COA1: variants seen among roughly 807,000 people sequenced by gnomAD.
COA1 encodes cytochrome c oxidase assembly factor 1 homolog.
A neutral mutation model predicts 16.0 loss-of-function variants in COA1; 13 were observed. The observed-to-expected ratio is 0.81, with a 90% CI of 0.53 to 1.29. COA1 has a LOEUF of 1.29. Ranked by LOEUF, COA1 falls within the 50% of genes most tolerant of loss-of-function variation. COA1 has a pLI of 0.00. For missense variants in COA1, 179 were observed against 177.0 expected (o/e 1.01, Z -0.06); for synonymous variants, 65 against 65.7 (o/e 0.99, Z 0.05).
chr7:43,639,742 CA>C, intron 5 of COA1, 61 bp from the exon 6 acceptor site: 27 of 1,316,892 alleles, frequency 2.1e-5, no homozygotes, highest in South Asian at 2.5e-5. Context: ...CAGCCGTAGT[CA>C]AAAAAAGGGG....
intron 1 of COA1, among the ~76,000 whole-genome samples, chr7:43,689,658 T>C (rs371255194): frequency 2.6e-5 from 4 of 152,334 alleles, no homozygotes; most frequent in East Asian, 3.9e-4. Context: ...TTTTAAGCTC[T>C]TTAAAAGTTA....
chr7:43,722,463 A>T (rs2095527856), intron 1 of COA1, among the ~76,000 whole-genome samples: 2 of 151,968 alleles, frequency 1.3e-5, no homozygotes, highest in African/African-American at 2.4e-5. Flanking sequence ...GCAATGGCAC[A>T]ATCTCAGCTC....
At chr7:43,632,013 G>A (rs945787472) in intron 6 of COA1, 1 of 152,230 alleles carries the variant, frequency 6.6e-6, no homozygotes. Context: ...CAACAGTGAA[G>A]TTTGCTGCAT....
intron 4 of COA1, among the ~76,000 whole-genome samples, chr7:43,644,287 C>G (rs1025417343): frequency 1.3e-5 from 2 of 152,214 alleles, no homozygotes; most frequent in African/African-American, 4.8e-5. Flanking sequence ...TTCTGCACCT[C>G]TATTCCCCAC....
intron 4 of COA1, among the ~76,000 whole-genome samples, chr7:43,644,323 A>G (rs1027099898): frequency 3.9e-5 from 6 of 152,222 alleles, no homozygotes; most frequent in Admixed American, 3.3e-4. Context: ...TTCTCAAACC[A>G]GAGCATATAC....
At chr7:43,700,403 T>C (rs1368538615) in intron 1 of COA1, among the ~76,000 whole-genome samples, 4 of 152,020 alleles carry the variant, frequency 2.6e-5, no homozygotes, top group African/African-American at 7.2e-5. Flanking sequence ...GTAGTCTGAT[T>C]TGTCTCATAG....
chr7:43,642,029 T>G (rs2087285777), intron 4 of COA1: 1 of 152,106 alleles, frequency 6.6e-6, no homozygotes, highest in African/African-American at 2.4e-5. Context: ...CATTCCAAGT[T>G]GCCACCAAGA....
At chr7:43,645,475 T>G in intron 3 of COA1, 76 bp from the exon 4 acceptor site, 1 of 1,332,206 alleles carries the variant, frequency 7.5e-7, no homozygotes, top group Non-Finnish European at 1.1e-6. Context: ...AATTAAATAA[T>G]CCAACTGACG....
At chr7:43,701,236 T>C (rs1034687608) in intron 1 of COA1, among the ~76,000 whole-genome samples, 1 of 152,128 alleles carries the variant, frequency 6.6e-6, no homozygotes, top group Non-Finnish European at 1.5e-5. Context: ...TAGGTAGTTT[T>C]TTCAACCCTC....
intron 1 of COA1, among the ~76,000 whole-genome samples, chr7:43,728,820 G>T (rs1347410373): frequency 6.6e-6 from 1 of 152,166 alleles, no homozygotes; most frequent in Non-Finnish European, 1.5e-5. Flanking sequence ...CGGAGAAACA[G>T]GTTATCAAAT....
chr7:43,723,634 GA>G (rs1385096734), intron 1 of COA1, among the ~76,000 whole-genome samples: 8 of 147,166 alleles, frequency 5.4e-5, no homozygotes, highest in South Asian at 2.2e-4. Flanking sequence ...AAAGCATTAA[GA>G]AAAAAAAAAG....
At chr7:43,720,367 C>T (rs956400289) in intron 1 of COA1, among the ~76,000 whole-genome samples, 1 of 151,760 alleles carries the variant, frequency 6.6e-6, no homozygotes, top group Admixed American at 6.6e-5. Flanking sequence ...TGCCTTTCCT[C>T]TTTATTAAGC....
At chr7:43,627,944 G>A (rs1042403929) in intron 6 of COA1, among the ~76,000 whole-genome samples, 5 of 152,180 alleles carry the variant, frequency 3.3e-5, no homozygotes, top group Non-Finnish European at 5.9e-5. Context: ...ATTCATCTAT[G>A]TCGATGCTTA....
intron 1 of COA1, among the ~76,000 whole-genome samples, chr7:43,688,460 C>T (rs1321010152): frequency 6.6e-6 from 1 of 152,000 alleles, no homozygotes; most frequent in African/African-American, 2.4e-5. Flanking sequence ...CTTCTGTATT[C>T]CATAACTTTA....
chr7:43,643,841 G>A (rs990082280), intron 4 of COA1, among the ~76,000 whole-genome samples: 33 of 152,206 alleles, frequency 2.2e-4, no homozygotes, highest in Non-Finnish European at 1.5e-5. Flanking sequence ...CAGAATACCA[G>A]AGCATGAATT....
Position 43,645,278 on chromosome 7 carries a change from T to C in COA1, c.237A>G (p.Glu79=). The C allele has an allele frequency of 1.2e-6, 2 of 1,614,040 alleles. No individual in the cohort carries two copies. The highest frequency in any genetic ancestry group is 1.7e-6 in the Non-Finnish European group (2 of 1,179,960). ...TGGCATCAACAATGTCCACGAAGTT[T>C]TCCCTGTCGATGAGCTTGAGATAAT... ...NIHYLKLIDR[E]NFVDIVDAKL... The change falls in exon 4 of 6, where the codon GAA becomes GAG. Residue 79 remains glutamate, a synonymous_variant. Transcript: ENST00000223336.
Position 43,675,367 on chromosome 7 carries a change from T to G in COA1, c.-38-26715A>C, listed in dbSNP as rs1331574745. Among the ~76,000 whole-genome samples, 15 of 148,894 alleles carry G rather than the reference T, an allele frequency of 1.0e-4. No individual in the cohort carries two copies. The Admixed American group carries it at 1.0e-3, about 10-fold the overall frequency. On this transcript the variant is annotated intron_variant, in intron 1 of 5. Coordinates refer to ENST00000223336, the MANE Select transcript of COA1 (RefSeq NM_018224.4). Reference sequence around the variant, plus strand: ...AACATCGTGTGTTCTCACTCATAGGTGGGAATTGAACAATGAGAACACATG... The same window carrying G: ...AACATCGTGTGTTCTCACTCATAGGGGGGAATTGAACAATGAGAACACATG...
chr7:43,648,879 G>A (rs1282523651), intron 1 of COA1: 6 of 455,308 alleles, frequency 1.3e-5, no homozygotes, highest in Non-Finnish European at 2.0e-5. Flanking sequence ...TGTGTCCTAT[G>A]TAGTTTTTGT....
intron 6 of COA1, among the ~76,000 whole-genome samples, chr7:43,619,133 C>T (rs1029778435): frequency 6.6e-6 from 1 of 152,196 alleles, no homozygotes; most frequent in Non-Finnish European, 1.5e-5. Flanking sequence ...CTGAAAGACA[C>T]AGACGGGATT....
Sources: allele counts gnomAD v4.1 joint callset (sites outside exome capture counted in the v4.1 genomes callset), GRCh38; gene constraint gnomAD v4.1.1; transcripts MANE v1.5; gene names NCBI Gene and HGNC (gene_info 2026-07-23, HGNC 2026-07-21).